CIDEC: variants seen among roughly 807,000 people sequenced by gnomAD.
CIDEC encodes cell death inducing DFFA like effector c, also known as lipid transferase CIDEC.
CIDEC carries 11 observed loss-of-function variants against 21.9 expected under a neutral mutation model. The observed-to-expected ratio is 0.50, with a 90% CI of 0.32 to 0.83. The LOEUF (loss-of-function observed/expected upper bound fraction) is 0.83, where lower values mean the gene tolerates loss of function less well. Among genes scored for constraint, CIDEC ranks in the 40% least tolerant of loss-of-function variants. The pLI is 0.04. For synonymous variants in CIDEC, 127 were observed against 124.9 expected (o/e 1.02, Z -0.11); for missense variants, 302 against 302.3 (o/e 1.00, Z 0.01).
In CIDEC at chr3:9,878,922, T is replaced by C; in HGVS notation, c.-26+20A>G. On this transcript the variant is annotated intron_variant, in intron 2 of 6. Transcript: ENST00000336832. ...GAGGTGAGTCACACCACCTCACACTTCTGGGGACCGTTCCCTCACCTCTAG... is the reference window on the plus strand; with the variant it reads ...GAGGTGAGTCACACCACCTCACACTCCTGGGGACCGTTCCCTCACCTCTAG... The C allele has an allele frequency of 9.7e-7, 1 of 1,025,804 alleles. No individual in the cohort carries two copies. Among genetic ancestry groups the C allele is most frequent in the South Asian group, 1.4e-5 (1 of 73,302 alleles). The allele number at this position is 1,025,804 out of a possible 1,614,324, so 63.5% of individuals were successfully genotyped here. A position where few individuals can be genotyped will look rare whatever the true frequency, so the allele number is the denominator to read the frequency against.
chr3:9,872,523 A>G (rs1213901212), intron 4 of CIDEC, among the ~76,000 whole-genome samples: 3 of 152,084 alleles, frequency 2.0e-5, no homozygotes, highest in South Asian at 2.1e-4. Flanking sequence ...TTCTTTGGAG[A>G]AATATCTACT....
At chr3:9,869,555 A>G (rs1185665846) in intron 6 of CIDEC, among the ~76,000 whole-genome samples, 1 of 152,144 alleles carries the variant, frequency 6.6e-6, no homozygotes, top group Admixed American at 6.6e-5. Context: ...TGGCCAACAC[A>G]TGTTCATTTT....
chr3:9,875,376 C>CAA (rs34070196), intron 4 of CIDEC, among the ~76,000 whole-genome samples: 11,298 of 116,156 alleles, frequency 0.097, 734 homozygotes, highest in South Asian at 0.16. Flanking sequence ...GACTCTGTCT[C>CAA]AAAAAAAAAA....
rs771063775 is a variant in CIDEC, at chr3:9,870,041, T to G, written c.395A>C (p.His132Pro). 3 of 1,614,224 alleles carry G rather than the reference T, an allele frequency of 1.9e-6. No homozygotes were observed. In the South Asian group the frequency reaches 3.3e-5, roughly 18 times the overall value. ...QGTRHPLSLS[H>P]KPAKKIDVAR... ...CACATCAATCTTCTTGGCAGGCTTATGGGAGAGGGACAGTGGGTGCCTTGT... is the reference window on the plus strand; with the variant it reads ...CACATCAATCTTCTTGGCAGGCTTAGGGGAGAGGGACAGTGGGTGCCTTGT... Residue 132 changes from histidine to proline, a missense_variant, in exon 6 of 7, where the codon CAT becomes CCT. Physicochemically the swap from His to Pro is moderately conservative, Grantham distance 77. Coordinates refer to ENST00000336832, the MANE Select transcript of CIDEC (RefSeq NM_001321142.2).
At chr3:9,876,463 G>C (rs2082423784) in intron 4 of CIDEC, among the ~76,000 whole-genome samples, 1 of 151,792 alleles carries the variant, frequency 6.6e-6, no homozygotes, top group Admixed American at 6.6e-5. Flanking sequence ...GACACAGCAA[G>C]ACTCCATCTT....
intron 4 of CIDEC, among the ~76,000 whole-genome samples, chr3:9,873,571 A>G (rs934162331): frequency 1.3e-5 from 2 of 151,936 alleles, no homozygotes; most frequent in Non-Finnish European, 2.9e-5. Context: ...AGCTGAGATC[A>G]CGCCACTGCA....
intron 1 of CIDEC, among the ~76,000 whole-genome samples, chr3:9,879,322 T>G (rs1204265277): frequency 6.6e-6 from 1 of 151,984 alleles, no homozygotes; most frequent in African/African-American, 2.4e-5. Flanking sequence ...CAGCTAATTT[T>G]TAGTTTAGTT....
chr3:9,870,765 G>A (rs576514290), intron 4 of CIDEC, among the ~76,000 whole-genome samples: 9 of 151,910 alleles, frequency 5.9e-5, no homozygotes, highest in African/African-American at 1.7e-4. Flanking sequence ...TCAGCCTCCC[G>A]AGTAGCTGGG....
At chr3:9,873,175 A>G (rs1034216363) in intron 4 of CIDEC, among the ~76,000 whole-genome samples, 3 of 151,426 alleles carry the variant, frequency 2.0e-5, no homozygotes, top group Admixed American at 6.6e-5. Context: ...CTTACATACT[A>G]TGTTTTCTTC....
intron 2 of CIDEC, 25 bp from the exon 3 acceptor site, chr3:9,878,536 A>G (rs371554594): frequency 3.8e-6 from 6 of 1,598,936 alleles, no homozygotes; most frequent in Non-Finnish European, 3.4e-6. Context: ...GAAACAATTC[A>G]TCAGGGTGAG....
At chr3:9,874,755 G>T (rs2082397100) in intron 4 of CIDEC, among the ~76,000 whole-genome samples, 1 of 151,934 alleles carries the variant, frequency 6.6e-6, no homozygotes, top group Admixed American at 6.6e-5. Context: ...TTTTTAAACA[G>T]GGTCTCGCTC....
chr3:9,867,548 A>C (rs1440285802), intron 6 of CIDEC, among the ~76,000 whole-genome samples: 2 of 152,260 alleles, frequency 1.3e-5, no homozygotes, highest in African/African-American at 4.8e-5. Flanking sequence ...TGAACCCAGG[A>C]GGCGGAGGTC....
intron 1 of CIDEC, 107 bp from the exon 2 acceptor site, chr3:9,879,161 A>ATTTCTTT (rs2082470736): frequency 6.9e-6 from 1 of 144,696 alleles, no homozygotes; most frequent in Non-Finnish European, 1.4e-5. Flanking sequence ...CAGGAGCTGA[A>ATTTCTTT]TTTTTTTTTT....
At chr3:9,869,036 C>T (rs1389794855) in intron 6 of CIDEC, among the ~76,000 whole-genome samples, 2 of 152,164 alleles carry the variant, frequency 1.3e-5, no homozygotes, top group East Asian at 1.9e-4. Flanking sequence ...ACTGTGTTGC[C>T]GAGGCTGGTC....
chr3:9,868,606 G>A (rs968044947), intron 6 of CIDEC, among the ~76,000 whole-genome samples: 2 of 152,184 alleles, frequency 1.3e-5, no homozygotes, highest in Non-Finnish European at 2.9e-5. Context: ...ATGGGGAAGC[G>A]GGAGCGGGTT....
chr3:9,877,637 G>A (rs2082445506), intron 3 of CIDEC, among the ~76,000 whole-genome samples: 1 of 152,076 alleles, frequency 6.6e-6, no homozygotes, highest in Admixed American at 6.5e-5. Context: ...TCCAGCCTGG[G>A]CAACAGAGGG....
intron 4 of CIDEC, among the ~76,000 whole-genome samples, chr3:9,871,872 C>A (rs759955455): frequency 6.6e-6 from 1 of 152,150 alleles, no homozygotes; most frequent in Non-Finnish European, 1.5e-5. Flanking sequence ...TCAGTTGATC[C>A]GCCTGCCTCG....
intron 4 of CIDEC, among the ~76,000 whole-genome samples, chr3:9,871,569 T>C (rs1400760437): frequency 2.0e-5 from 3 of 152,062 alleles, no homozygotes; most frequent in Non-Finnish European, 4.4e-5. Flanking sequence ...GTATGAGAAC[T>C]CCAGTCTCCT....
rs188897644 is a variant in CIDEC at position 9,867,028 on chromosome 3, G to A, written c.*106C>T. 73 of 1,238,848 alleles carry A rather than the reference G, an allele frequency of 5.9e-5. No individual in the cohort carries two copies. The African/African-American group carries it at 1.0e-3, about 17-fold the overall frequency. The allele number at this position is 1,238,848 out of a possible 1,614,324, so 76.7% of individuals were successfully genotyped here. A position where few individuals can be genotyped will look rare whatever the true frequency, so the allele number is the denominator to read the frequency against. On this transcript the variant is annotated 3_prime_UTR_variant, in exon 7 of 7. Transcript: ENST00000336832. ...GGGTCCTGCGCGGTGAGGGAGGTGT[G>A]GGGAGGTTCGCGGCTCTACAGCTGC...
Sources: allele counts gnomAD v4.1 joint callset (sites outside exome capture counted in the v4.1 genomes callset), GRCh38; gene constraint gnomAD v4.1.1; transcripts MANE v1.5; gene names NCBI Gene and HGNC (gene_info 2026-07-23, HGNC 2026-07-21).